The following NINJ2 variants were observed in gnomAD, a reference collection of about 807,000 sequenced individuals.
NINJ2 encodes the protein ninjurin 2, also known as ninjurin-2.
Under a neutral mutation model 11.7 loss-of-function variants are expected in NINJ2, and 12 were observed. The observed-to-expected ratio is 1.02, with a 90% CI of 0.66 to 1.66. NINJ2 has a LOEUF of 1.66. Among genes scored for constraint, NINJ2 ranks in the 40% most tolerant of loss-of-function variants. NINJ2 has a pLI of 0.00. For missense variants in NINJ2, 187 were observed against 181.8 expected (o/e 1.03, Z -0.16); for synonymous variants, 93 against 76.8 (o/e 1.21, Z -1.10).
chr12:617,142 G>T (rs12231386), intron 1 of NINJ2, among the ~76,000 whole-genome samples: 1 of 152,052 alleles, frequency 6.6e-6, no homozygotes, highest in Admixed American at 6.5e-5. Context: ...GGAGGCGGAG[G>T]TTGCAGTGAG....
chr12:625,121 G>C (rs868621723), intron 1 of NINJ2, among the ~76,000 whole-genome samples: 1 of 130,678 alleles, frequency 7.7e-6, no homozygotes. Context: ...AAAAAAAAAA[G>C]ATATATATAT....
rs1565622590 is a variant in NINJ2, at chr12:580,601, ATAT to A, written c.34-14426_34-14424del. 0.036 allele frequency among the ~76,000 whole-genome samples: 1,129 copies of A among 30,958 alleles called. 5 individuals are homozygous for A. The highest frequency in any genetic ancestry group is 0.073 in the Admixed American group (184 of 2,536). The allele number at this position is 30,958 out of a possible 152,430, so 20.3% of individuals were successfully genotyped here. On this transcript the variant is annotated intron_variant, in intron 1 of 3. Coordinates refer to ENST00000305108, the MANE Select transcript of NINJ2 (RefSeq NM_016533.6). The surrounding 1 kb of genome is among the most constrained non-coding windows in gnomAD (Gnocchi z 4.7). The stretch of plus-strand genomic sequence containing the variant: ...GACCCTGTCTCAAAAAAAAAAAAAT[ATAT>A]ATATATATATATCCATTTGTCATTC...
At chr12:608,694 A>G (rs564009465) in intron 1 of NINJ2, among the ~76,000 whole-genome samples, 1 of 150,692 alleles carries the variant, frequency 6.6e-6, no homozygotes, top group South Asian at 2.1e-4. Context: ...CTCACTAGCT[A>G]GCTGGCTTCA....
intron 1 of NINJ2, among the ~76,000 whole-genome samples, chr12:620,437 C>A (rs548974953): frequency 6.6e-6 from 1 of 152,250 alleles, no homozygotes; most frequent in African/African-American, 2.4e-5. Context: ...ATAGATGATG[C>A]GTCTCACACA....
At chr12:617,481 G>C (rs893554037) in intron 1 of NINJ2, among the ~76,000 whole-genome samples, 5 of 152,236 alleles carry the variant, frequency 3.3e-5, no homozygotes, top group African/African-American at 1.2e-4. Flanking sequence ...GATGAGGCAA[G>C]TGTCCTGGCT....
intron 1 of NINJ2, among the ~76,000 whole-genome samples, chr12:588,728 GAA>G (rs1217763651): frequency 6.6e-6 from 1 of 152,188 alleles, no homozygotes; most frequent in African/African-American, 2.4e-5. Context: ...TGATTATCCT[GAA>G]GTCTGTGGAG....
intron 1 of NINJ2, among the ~76,000 whole-genome samples, chr12:600,018 G>A (rs1229586491): frequency 6.6e-6 from 1 of 152,192 alleles, no homozygotes; most frequent in African/African-American, 2.4e-5. Context: ...TGAGTCTGAG[G>A]AATGTGCCCA....
chr12:595,545 C>CG (rs1461583733), intron 1 of NINJ2, among the ~76,000 whole-genome samples: 1 of 152,110 alleles, frequency 6.6e-6, no homozygotes, highest in Admixed American at 6.5e-5. Context: ...GAGGCCAAGG[C>CG]GGGTGGATCA....
chr12:654,892 A>C (rs77036573), intron 1 of NINJ2, among the ~76,000 whole-genome samples: 2 of 127,476 alleles, frequency 1.6e-5, no homozygotes, highest in Non-Finnish European at 3.7e-5. Context: ...ACTCCATTTC[A>C]AAAAAAAAAA....
chr12:640,430 T>C lies in NINJ2; in HGVS notation c.33+22898A>G, dbSNP rs538181752. 1.4e-4 allele frequency among the ~76,000 whole-genome samples: 21 copies of C among 152,360 alleles called. No individual in the cohort carries two copies. The highest frequency in any genetic ancestry group is 1.0e-3 in the Admixed American group (16 of 15,304). On this transcript the variant is annotated intron_variant, in intron 1 of 3. Coordinates refer to ENST00000305108, the MANE Select transcript of NINJ2 (RefSeq NM_016533.6). This position sits in a 1 kb window ranked among gnomAD's most constrained non-coding sequence, Gnocchi z 4.0. ...CAATTCATTCAGACCTCCCTTTCAATGACAGCAGGGCCTTTAGTCCCAACT... is the reference window on the plus strand; with the variant it reads ...CAATTCATTCAGACCTCCCTTTCAACGACAGCAGGGCCTTTAGTCCCAACT...
chr12:642,021 G>C lies in NINJ2; in HGVS notation c.33+21307C>G, dbSNP rs558781921. Among the ~76,000 whole-genome samples the C allele has an allele frequency of 5.9e-5, 9 of 152,332 alleles. No individual in the cohort carries two copies. The East Asian group carries it at 1.2e-3, about 20-fold the overall frequency. ...GGTCCCGGCATGGCCTCCCCTTGGG[G>C]CGTGGAAGGCGGGAAAGGGCCCGTA... On this transcript the variant is annotated intron_variant, in intron 1 of 3. Coordinates refer to ENST00000305108, the MANE Select transcript of NINJ2 (RefSeq NM_016533.6).
chr12:608,661 T>G (rs1487006582), intron 1 of NINJ2, among the ~76,000 whole-genome samples: 1 of 152,254 alleles, frequency 6.6e-6, no homozygotes, highest in Non-Finnish European at 1.5e-5. Context: ...ACAGTCCTCC[T>G]GCTAGCTAAT....
At chr12:588,181 G>A (rs1306310232) in intron 1 of NINJ2, among the ~76,000 whole-genome samples, 1 of 128,520 alleles carries the variant, frequency 7.8e-6, no homozygotes, top group African/African-American at 3.3e-5. Flanking sequence ...AGGGACGGAA[G>A]GGACGGAAGG....
intron 1 of NINJ2, among the ~76,000 whole-genome samples, chr12:658,707 T>TATGCTA (rs1555167942): frequency 2.4e-5 from 2 of 82,362 alleles, no homozygotes; most frequent in African/African-American, 4.5e-5. Context: ...TATGCTATGC[T>TATGCTA]ATGCTATGCT....
At chr12:612,377 GC>G (rs945648437) in intron 1 of NINJ2, among the ~76,000 whole-genome samples, 2 of 152,188 alleles carry the variant, frequency 1.3e-5, no homozygotes, top group Non-Finnish European at 2.9e-5. Flanking sequence ...CTAGGAGGTA[GC>G]CTGGTGACAT....
chr12:596,134 G>A (rs1257014202), intron 1 of NINJ2, among the ~76,000 whole-genome samples: 3 of 152,144 alleles, frequency 2.0e-5, no homozygotes, highest in East Asian at 1.9e-4. Context: ...TCTTCCATAC[G>A]ATCCAGCAAC....
chr12:658,949 G>A (rs1387309083), intron 1 of NINJ2, among the ~76,000 whole-genome samples: 1 of 151,408 alleles, frequency 6.6e-6, no homozygotes, highest in Non-Finnish European at 1.5e-5. Context: ...GGCTATATGG[G>A]AGATCTCTGG....
chr12:656,098 C>T (rs1198539999), intron 1 of NINJ2, among the ~76,000 whole-genome samples: 2 of 151,914 alleles, frequency 1.3e-5, no homozygotes, highest in Non-Finnish European at 2.9e-5. Flanking sequence ...GGCGTAGTGG[C>T]TCGCGCCTGT....
At chr12:643,349 G>A (rs774292905) in intron 1 of NINJ2, 23 of 770,318 alleles carry the variant, frequency 3.0e-5, no homozygotes, top group Non-Finnish European at 3.6e-5. Context: ...GGTGGGGAGG[G>A]GAGGGTGGCG....
Sources: allele counts gnomAD v4.1 joint callset (sites outside exome capture counted in the v4.1 genomes callset), GRCh38; gene constraint gnomAD v4.1.1; non-coding constraint Gnocchi (gnomAD v3.1); transcripts MANE v1.5; gene names NCBI Gene and HGNC (gene_info 2026-07-23, HGNC 2026-07-21).